Variants in BIRC6 observed in about 807,000 individuals in gnomAD.
BIRC6 encodes dual E2 ubiquitin-conjugating enzyme/E3 ubiquitin-protein ligase BIRC6.
A neutral mutation model predicts 503.3 loss-of-function variants in BIRC6; 98 were observed. The ratio of observed to expected loss-of-function variants is 0.19; its 90% CI spans 0.17 to 0.23. BIRC6 has a LOEUF of 0.23. Among genes scored for constraint, BIRC6 ranks in the 10% least tolerant of loss-of-function variants. The pLI is 1.00. For missense variants in BIRC6, 5,360 were observed against 5,806.0 expected, an observed-to-expected ratio of 0.92 and a Z score of 2.50; for synonymous variants, 2,240 against 2,078.7, an observed-to-expected ratio of 1.08 and a Z score of -2.11.
Position 32,442,376 on chromosome 2 carries a change from G to A in BIRC6, c.4159G>A (p.Asp1387Asn). 1 of 1,611,942 alleles carries A rather than the reference G, an allele frequency of 6.2e-7. No individual in the cohort carries two copies. The highest frequency in any genetic ancestry group is 1.1e-5 in the South Asian group (1 of 90,636). The change falls in exon 19 of 74, where the codon GAC becomes AAC. Residue 1387 changes from aspartate (D) to asparagine (N), a missense_variant. Asp to Asn is a conservative substitution (Grantham distance 23, BLOSUM62 1). This residue lies in a region of BIRC6 where 2,299 missense variants were observed against 2,267.2 expected (regional missense o/e 1.01). Coordinates refer to ENST00000421745, the MANE Select transcript of BIRC6 (RefSeq NM_016252.4). ...LLSKTRKFLS[D>N]IVRVCFFEAG... is the part of the protein sequence containing the mutation. Reference sequence around the variant, plus strand: ...TTCAAAAACACGAAAATTTCTGTCAGACATCGTACGTGTTTGCTTCTTTGA... The same window carrying A: ...TTCAAAAACACGAAAATTTCTGTCAAACATCGTACGTGTTTGCTTCTTTGA...
At chr2:32,497,690 A>G (rs945677160) in intron 45 of BIRC6, among the ~76,000 whole-genome samples, 15 of 152,064 alleles carry the variant, frequency 9.9e-5, no homozygotes, top group African/African-American at 3.4e-4. Context: ...TGATGTTGGT[A>G]ATTTTTATCT....
At chr2:32,574,318 A>T (rs966491201) in intron 65 of BIRC6, among the ~76,000 whole-genome samples, 1 of 151,806 alleles carries the variant, frequency 6.6e-6, no homozygotes, top group Non-Finnish European at 1.5e-5. Context: ...AAGTTTTACC[A>T]TGTTGCCCAG....
chr2:32,480,618 T>C (rs2050276831), intron 37 of BIRC6, among the ~76,000 whole-genome samples: 1 of 131,406 alleles, frequency 7.6e-6, no homozygotes, highest in Admixed American at 8.3e-5. Flanking sequence ...ATAAGGTAAA[T>C]GGCTTTTTTT....
chr2:32,572,371 G>T (rs2059971250), intron 65 of BIRC6, among the ~76,000 whole-genome samples: 1 of 152,130 alleles, frequency 6.6e-6, no homozygotes, highest in Non-Finnish European at 1.5e-5. Flanking sequence ...GTTTGATTAT[G>T]GTATTACTGG....
In BIRC6 at chr2:32,357,537, C is replaced by G; in HGVS notation, c.325+51C>G. On this transcript the variant is annotated intron_variant, in intron 1 of 73. Coordinates refer to ENST00000421745, the MANE Select transcript of BIRC6 (RefSeq NM_016252.4). This position sits in a 1 kb window ranked among gnomAD's most constrained non-coding sequence, Gnocchi z 4.9. ...CGCGAAGCCGGGGAAAGAAGCCGTCCAGCCCCGGGGCTCGGCCTCGCGACT... is the reference window on the plus strand; with the variant it reads ...CGCGAAGCCGGGGAAAGAAGCCGTCGAGCCCCGGGGCTCGGCCTCGCGACT... 6.6e-7 allele frequency: 1 copy of G among 1,520,910 alleles called. No homozygotes were observed. The highest frequency in any genetic ancestry group is 8.8e-7 in the Non-Finnish European group (1 of 1,136,330). 94.2% of individuals were successfully genotyped at this position (1,520,910 alleles called of 1,614,324 possible). A position where few individuals can be genotyped will look rare whatever the true frequency, so the allele number is the denominator to read the frequency against.
intron 71 of BIRC6, among the ~76,000 whole-genome samples, chr2:32,606,513 G>A (rs1179129742): frequency 1.3e-5 from 2 of 152,024 alleles, no homozygotes; most frequent in Non-Finnish European, 2.9e-5. Context: ...GAATCACTTG[G>A]ACCCAGGAGA....
At chr2:32,479,235 T>C (rs1268571498) in intron 36 of BIRC6, among the ~76,000 whole-genome samples, 1 of 152,174 alleles carries the variant, frequency 6.6e-6, no homozygotes. Flanking sequence ...TTAAAATAAC[T>C]CTTTGTACAT....
intron 3 of BIRC6, among the ~76,000 whole-genome samples, chr2:32,388,139 C>G (rs966337094): frequency 6.6e-6 from 1 of 151,962 alleles, no homozygotes; most frequent in African/African-American, 2.4e-5. Flanking sequence ...GTAATCCCAG[C>G]ACTTTGGGAG....
Position 32,477,438 on chromosome 2 carries a change from C to A in BIRC6, c.6923C>A (p.Thr2308Lys). ...WSRSNLDTEV[T>K]TAKESPEIEP... ...CGTTCTAATTTAGACACAGAAGTTA[C>A]AACAGCAAAAGAAAGTCCTGAGATA... Residue 2308 changes from threonine (T) to lysine (K), a missense_variant, in exon 35 of 74, where the codon ACA becomes AAA. Physicochemically the swap from Thr to Lys is moderately conservative, Grantham distance 78 (BLOSUM62 -1). Around this residue, in one of 16 missense-constraint regions of BIRC6, gnomAD observed 2,299 missense variants for 2,267.2 expected, o/e 1.01. Transcript: ENST00000421745. 1.9e-6 allele frequency: 3 copies of A among 1,613,928 alleles called. No individual in the cohort carries two copies. The highest frequency in any genetic ancestry group is 2.5e-6 in the Non-Finnish European group (3 of 1,179,880).
chr2:32,597,832 A>G lies in BIRC6; in HGVS notation c.13694A>G (p.Asn4565Ser), dbSNP rs144339679. 5.6e-6 allele frequency: 9 copies of G among 1,613,738 alleles called. No homozygotes were observed. The African/African-American group carries it at 1.2e-4, about 22-fold the overall frequency. Reference sequence around the variant, plus strand: ...TACCACTACATGTCTCAGGTGAAAAATGCTAATGATGCGAACAGTGCTGCC... The same window carrying G: ...TACCACTACATGTCTCAGGTGAAAAGTGCTAATGATGCGAACAGTGCTGCC... ...VNYHYMSQVKNANDANSAARA... is the reference protein window; with the variant it reads ...VNYHYMSQVKSANDANSAARA... Residue 4565 changes from asparagine to serine, a missense_variant, in exon 69 of 74, where the codon AAT (asparagine) becomes AGT (serine). By Grantham distance (46) the Asn-to-Ser change is conservative. Transcript: ENST00000421745.
At chr2:32,571,228 C>T (rs563329360) in intron 65 of BIRC6, among the ~76,000 whole-genome samples, 23 of 151,908 alleles carry the variant, frequency 1.5e-4, no homozygotes, top group African/African-American at 5.3e-4. Flanking sequence ...TATATCTTTG[C>T]CTGGTTTTGG....
chr2:32,485,593 A>T (rs1175606752), intron 39 of BIRC6, 50 bp from the exon 40 acceptor site: 1 of 1,205,940 alleles, frequency 8.3e-7, no homozygotes. Context: ...GAGGTAGGAC[A>T]TGAGTAATAA....
At chr2:32,589,466 T>A (rs1423853226) in intron 66 of BIRC6, among the ~76,000 whole-genome samples, 1 of 152,184 alleles carries the variant, frequency 6.6e-6, no homozygotes, top group Non-Finnish European at 1.5e-5. Flanking sequence ...ATAAGCTGGA[T>A]CTTCTAGCAC....
intron 61 of BIRC6, among the ~76,000 whole-genome samples, chr2:32,537,826 C>T (rs1250552733): frequency 1.3e-5 from 2 of 151,874 alleles, no homozygotes; most frequent in African/African-American, 2.4e-5. Flanking sequence ...ATTAGCCGGG[C>T]GGGGTGGCAG....
At chr2:32,490,989 G>A (rs1449558051) in intron 43 of BIRC6, among the ~76,000 whole-genome samples, 1 of 152,152 alleles carries the variant, frequency 6.6e-6, no homozygotes, top group African/African-American at 2.4e-5. Context: ...TGTGTTACCT[G>A]TACGTTAGTT....
rs776642094 is a variant in BIRC6, at chr2:32,501,646, C to G, written c.9032-67C>G. 4 of 1,357,922 alleles carry G rather than the reference C, an allele frequency of 2.9e-6. No individual in the cohort carries two copies. In the African/African-American group the frequency reaches 5.8e-5, roughly 20 times the overall value. 84.1% of individuals were successfully genotyped at this position (1,357,922 alleles called of 1,614,324 possible). A position where few individuals can be genotyped will look rare whatever the true frequency, so the allele number is the denominator to read the frequency against. On this transcript the variant is annotated intron_variant, in intron 46 of 73. Transcript: ENST00000421745. ...TCGGCCTCCCAAAGTGTTGAGATTACAGGCATGAGCCACTGCGCCTGGCTG... is the reference window on the plus strand; with the variant it reads ...TCGGCCTCCCAAAGTGTTGAGATTAGAGGCATGAGCCACTGCGCCTGGCTG...
At chr2:32,546,877 G>A (rs1304480949) in intron 63 of BIRC6, among the ~76,000 whole-genome samples, 5 of 151,964 alleles carry the variant, frequency 3.3e-5, no homozygotes, top group African/African-American at 4.8e-5. Flanking sequence ...TCAGAATTTC[G>A]ACACCACCCT....
chr2:32,439,644 T>A lies in BIRC6; in HGVS notation c.3768T>A (p.Gly1256=). The change falls in exon 16 of 74, where the codon GGT becomes GGA. Residue 1256 remains glycine, a synonymous_variant. Transcript: ENST00000421745. Reference sequence around the variant, plus strand: ...CCCTAAAACACCAGAGTAACAAGGGTTATTCACTTGCTTCACTTTTGGCTA... The same window carrying A: ...CCCTAAAACACCAGAGTAACAAGGGATATTCACTTGCTTCACTTTTGGCTA... ...LPSLKHQSNK[G]YSLASLLAKV... The A allele has an allele frequency of 6.2e-7, 1 of 1,613,840 alleles. No homozygotes were observed. The highest frequency in any genetic ancestry group is 8.5e-7 in the Non-Finnish European group (1 of 1,179,842).
chr2:32,441,521 C>T, intron 17 of BIRC6, 59 bp downstream of exon 17: 4 of 1,373,406 alleles, frequency 2.9e-6, no homozygotes, highest in Non-Finnish European at 3.9e-6. Context: ...AGCATAACAC[C>T]ACACACATAC....
Sources: gnomAD v4.1 joint callset for allele counts (sites outside exome capture counted in the v4.1 genomes callset) on GRCh38, gnomAD v4.1.1 for gene constraint, gnomAD v4.1.1 regional missense constraint, Gnocchi (gnomAD v3.1) non-coding constraint, MANE v1.5 for transcripts, NCBI Gene and HGNC (gene_info 2026-07-23, HGNC 2026-07-21) for gene names.